PIK3C2G: variants seen among roughly 807,000 people sequenced by gnomAD.
The protein encoded by PIK3C2G is phosphatidylinositol-4-phosphate 3-kinase catalytic subunit type 2 gamma, also known as phosphatidylinositol 3-kinase C2 domain-containing subunit gamma.
Under a neutral mutation model 181.1 loss-of-function variants are expected in PIK3C2G, and 168 were observed. The ratio of observed to expected loss-of-function variants is 0.93; its 90% CI spans 0.82 to 1.05. The LOEUF (loss-of-function observed/expected upper bound fraction) is 1.05, where lower values mean the gene tolerates loss of function less well. Ranked by LOEUF, PIK3C2G falls within the 50% of genes least tolerant of loss-of-function variation. The probability of loss-of-function intolerance (pLI) is 0.00; values close to 1 mark genes in which losing one functional copy is unlikely to be tolerated. For missense variants in PIK3C2G, 1,869 were observed against 1,732.8 expected (o/e 1.08, Z -1.40); for synonymous variants, 573 against 592.2 (o/e 0.97, Z 0.47).
At chr12:18,420,555 T>G (rs1945425192) in intron 16 of PIK3C2G, among the ~76,000 whole-genome samples, 1 of 152,148 alleles carries the variant, frequency 6.6e-6, no homozygotes, top group Non-Finnish European at 1.5e-5. Context: ...TAGATCACAT[T>G]TTGAATCATA....
intron 15 of PIK3C2G, among the ~76,000 whole-genome samples, chr12:18,392,772 T>A (rs915576734): frequency 6.6e-6 from 1 of 152,128 alleles, no homozygotes; most frequent in African/African-American, 2.4e-5. Context: ...CTTTCTTGTT[T>A]ATCACTATAT....
chr12:18,284,425 G>A (rs1343630664), intron 2 of PIK3C2G, among the ~76,000 whole-genome samples: 1 of 151,916 alleles, frequency 6.6e-6, no homozygotes, highest in African/African-American at 2.4e-5. Context: ...AAAACTTAAC[G>A]ATTCATAGTG....
intron 18 of PIK3C2G, among the ~76,000 whole-genome samples, chr12:18,440,105 A>C (rs2135817819): frequency 6.6e-6 from 1 of 152,218 alleles, no homozygotes; most frequent in East Asian, 1.9e-4. Context: ...TAAAAATTAG[A>C]ATAATAATAT....
chr12:18,710,925 C>T, the PIK3C2G span, among the ~76,000 whole-genome samples: 2 of 152,068 alleles, frequency 1.3e-5, no homozygotes, highest in African/African-American at 4.8e-5. Context: ...AACACTTTTA[C>T]ACTGTTGGTT....
the PIK3C2G span, chr12:18,701,522 T>C: frequency 6.2e-7 from 1 of 1,614,074 alleles, no homozygotes. Flanking sequence ...TGAAAAGCAT[T>C]ACTCCAGGTA....
intron 13 of PIK3C2G, among the ~76,000 whole-genome samples, chr12:18,375,711 C>A (rs1484015352): frequency 6.6e-6 from 1 of 152,192 alleles, no homozygotes; most frequent in Non-Finnish European, 1.5e-5. Flanking sequence ...ATATTCCAGG[C>A]AGCACCTCCC....
intron 25 of PIK3C2G, among the ~76,000 whole-genome samples, chr12:18,545,594 C>G (rs188924155): frequency 4.2e-4 from 63 of 151,746 alleles, no homozygotes; most frequent in Non-Finnish European, 6.6e-4. Flanking sequence ...TTATAATTCC[C>G]TCAGTCTACA....
intron 11 of PIK3C2G, among the ~76,000 whole-genome samples, chr12:18,360,749 C>T (rs1941165890): frequency 6.6e-6 from 1 of 152,066 alleles, no homozygotes; most frequent in Non-Finnish European, 1.5e-5. Context: ...TACGAATGTT[C>T]TCTTGTACAT....
At chr12:18,378,732 G>A (rs752439172) in intron 13 of PIK3C2G, among the ~76,000 whole-genome samples, 52 of 152,086 alleles carry the variant, frequency 3.4e-4, no homozygotes, top group Non-Finnish European at 6.3e-4. Context: ...TCAAAAGAAG[G>A]CATTTATGCA....
intron 30 of PIK3C2G, among the ~76,000 whole-genome samples, chr12:18,604,164 G>A (rs1418402652): frequency 6.6e-6 from 1 of 152,030 alleles, no homozygotes; most frequent in East Asian, 1.9e-4. Context: ...TAACACATAA[G>A]CATTCATATA....
chr12:18,561,898 C>A (rs999057064), intron 26 of PIK3C2G, among the ~76,000 whole-genome samples: 27 of 151,194 alleles, frequency 1.8e-4, no homozygotes, highest in Non-Finnish European at 2.5e-4. Context: ...GATAGAAAAA[C>A]ATAAAAATAT....
the PIK3C2G span, among the ~76,000 whole-genome samples, chr12:18,656,158 G>A: frequency 6.6e-6 from 1 of 152,196 alleles, no homozygotes; most frequent in African/African-American, 2.4e-5. Context: ...GCTGGGCACA[G>A]TGGCTCACAC....
chr12:18,452,887 C>A (rs969271851), intron 18 of PIK3C2G, among the ~76,000 whole-genome samples: 2 of 151,064 alleles, frequency 1.3e-5, no homozygotes, highest in African/African-American at 4.8e-5. Flanking sequence ...GATTGAATTT[C>A]TTAATCCTGA....
chr12:18,387,214 T>C (rs1224969349), intron 14 of PIK3C2G, among the ~76,000 whole-genome samples: 3 of 152,208 alleles, frequency 2.0e-5, no homozygotes, highest in Non-Finnish European at 2.9e-5. Context: ...CCTCACCTCA[T>C]CTGCTGGTTT....
At chr12:18,592,533 C>T (rs1156645071) in intron 29 of PIK3C2G, among the ~76,000 whole-genome samples, 1 of 151,772 alleles carries the variant, frequency 6.6e-6, no homozygotes. Context: ...CATTTAGTGG[C>T]AGAAACCTGA....
At chr12:18,688,152 T>A in the PIK3C2G span, 1 of 1,611,698 alleles carries the variant, frequency 6.2e-7, no homozygotes, top group Admixed American at 1.7e-5. Context: ...AAAACTTCTA[T>A]AATTACTAAT....
At chr12:18,674,161 A>G in the PIK3C2G span, among the ~76,000 whole-genome samples, 3 of 152,216 alleles carry the variant, frequency 2.0e-5, no homozygotes, top group Non-Finnish European at 4.4e-5. Flanking sequence ...ATGTATTCAA[A>G]TACTTTTGGA....
At chr12:18,541,056 T>G (rs921594849) in intron 25 of PIK3C2G, among the ~76,000 whole-genome samples, 8 of 152,006 alleles carry the variant, frequency 5.3e-5, no homozygotes, top group Non-Finnish European at 1.0e-4. Flanking sequence ...ATGTAATCTA[T>G]TCATTAATTC....
At chr12:18,392,469 T>G (rs1943596324) in intron 15 of PIK3C2G, among the ~76,000 whole-genome samples, 1 of 152,166 alleles carries the variant, frequency 6.6e-6, no homozygotes, top group South Asian at 2.1e-4. Flanking sequence ...TCAAATGTGC[T>G]AGTCCTGCTC....
Sources: allele counts gnomAD v4.1 joint callset (sites outside exome capture counted in the v4.1 genomes callset), GRCh38; gene constraint gnomAD v4.1.1; transcripts MANE v1.5; gene names NCBI Gene and HGNC (gene_info 2026-07-23, HGNC 2026-07-21).